PMFBP1: variants seen among roughly 807,000 people sequenced by gnomAD.
PMFBP1 encodes the protein polyamine modulated factor 1 binding protein 1.
Under a neutral mutation model 137.8 loss-of-function variants are expected in PMFBP1, and 131 were observed. That is an observed-to-expected ratio of 0.95 (90% CI 0.82 to 1.10). The LOEUF (loss-of-function observed/expected upper bound fraction) is 1.10, where lower values mean the gene tolerates loss of function less well. PMFBP1 is among the 50% of genes least tolerant of loss of function. PMFBP1 has a pLI of 0.00. For synonymous variants in PMFBP1, 490 were observed against 450.4 expected (o/e 1.09, Z -1.11); for missense variants, 1,199 against 1,175.4 (o/e 1.02, Z -0.29).
At chr16:72,138,868 A>G (rs747948906) in intron 7 of PMFBP1, among the ~76,000 whole-genome samples, 5 of 151,350 alleles carry the variant, frequency 3.3e-5, no homozygotes, top group Non-Finnish European at 7.4e-5. Context: ...TATTATTAGA[A>G]TCAACTTTTG....
the PMFBP1 span, among the ~76,000 whole-genome samples, chr16:72,221,317 T>C: frequency 6.6e-6 from 1 of 152,140 alleles, no homozygotes; most frequent in Non-Finnish European, 1.5e-5. Flanking sequence ...ATTGAGAGAC[T>C]CATTAAAAAT....
intron 3 of PMFBP1, among the ~76,000 whole-genome samples, chr16:72,159,707 C>G (rs1453830579): frequency 6.6e-6 from 1 of 152,162 alleles, no homozygotes; most frequent in Non-Finnish European, 1.5e-5. Context: ...TAGAAAAAGA[C>G]ACGCTATGGA....
intron 7 of PMFBP1, among the ~76,000 whole-genome samples, chr16:72,138,066 G>C (rs1412187510): frequency 6.6e-6 from 1 of 152,144 alleles, no homozygotes; most frequent in Non-Finnish European, 1.5e-5. Flanking sequence ...GTGGGGGAAG[G>C]TGTATTCTGC....
the PMFBP1 span, among the ~76,000 whole-genome samples, chr16:72,220,496 A>C: frequency 2.0e-5 from 3 of 152,222 alleles, no homozygotes; most frequent in Non-Finnish European, 4.4e-5. Context: ...CCATAATTTG[A>C]ATAGAGGTTG....
chr16:72,235,538 T>G, the PMFBP1 span, among the ~76,000 whole-genome samples: 1 of 151,668 alleles, frequency 6.6e-6, no homozygotes, highest in African/African-American at 2.4e-5. Flanking sequence ...AGTATCAGCA[T>G]ATCAATTTCT....
the PMFBP1 span, among the ~76,000 whole-genome samples, chr16:72,208,682 T>G: frequency 6.6e-6 from 1 of 152,276 alleles, no homozygotes; most frequent in Admixed American, 6.5e-5. Flanking sequence ...TTAATTTTTC[T>G]GTGTGATTCG....
At chr16:72,169,005 T>C (rs2043184094) in intron 2 of PMFBP1, among the ~76,000 whole-genome samples, 1 of 152,172 alleles carries the variant, frequency 6.6e-6, no homozygotes, top group Non-Finnish European at 1.5e-5. Context: ...TAATGTTAAA[T>C]TGAAGCTCGT....
chr16:72,161,705 T>A (rs552621985), intron 3 of PMFBP1, among the ~76,000 whole-genome samples: 314 of 152,336 alleles, frequency 2.1e-3, no homozygotes, highest in South Asian at 4.1e-3. Flanking sequence ...AAGAAATTAA[T>A]GTTGGAAGAT....
the PMFBP1 span, among the ~76,000 whole-genome samples, chr16:72,223,576 G>C: frequency 6.6e-6 from 1 of 152,198 alleles, no homozygotes; most frequent in Non-Finnish European, 1.5e-5. Context: ...GCTGGACCAA[G>C]GCAAAGTTTG....
At chr16:72,204,523 G>C in the PMFBP1 span, among the ~76,000 whole-genome samples, 1 of 152,034 alleles carries the variant, frequency 6.6e-6, no homozygotes, top group Non-Finnish European at 1.5e-5. Flanking sequence ...TTTATCCCCT[G>C]AACCAAATGG....
intron 7 of PMFBP1, 120 bp from the exon 8 acceptor site, chr16:72,136,939 T>G: frequency 2.2e-6 from 3 of 1,374,628 alleles, no homozygotes; most frequent in Admixed American, 2.0e-5. Flanking sequence ...TAATGGCTGC[T>G]GGGGGCCAGG....
the PMFBP1 span, among the ~76,000 whole-genome samples, chr16:72,229,442 C>T: frequency 6.6e-6 from 1 of 152,210 alleles, no homozygotes; most frequent in African/African-American, 2.4e-5. Flanking sequence ...CTGCTTTCCA[C>T]AAGGGCTGAA....
chr16:72,173,725 T>C (rs146389484), upstream of PMFBP1, among the ~76,000 whole-genome samples: 1 of 152,328 alleles, frequency 6.6e-6, no homozygotes, highest in East Asian at 1.9e-4. Flanking sequence ...AAGAGTGTTT[T>C]GGGGGAGCCC....
chr16:72,172,795 CTT>C (rs2043233684), upstream of PMFBP1, among the ~76,000 whole-genome samples: 3 of 152,018 alleles, frequency 2.0e-5, no homozygotes, highest in Admixed American at 2.0e-4. Flanking sequence ...AGGTGCATAA[CTT>C]AATTAAAAAT....
intron 3 of PMFBP1, among the ~76,000 whole-genome samples, chr16:72,161,843 A>G (rs1210133134): frequency 2.6e-5 from 4 of 152,176 alleles, no homozygotes; most frequent in Admixed American, 6.5e-5. Flanking sequence ...TTCATTCCCA[A>G]TGATTCAAAA....
At chr16:72,164,413 G>A (rs2043112558) in intron 3 of PMFBP1, 1 of 1,316,042 alleles carries the variant, frequency 7.6e-7, no homozygotes, top group Admixed American at 2.3e-5. Context: ...GGTTGACTTA[G>A]AAGTTTGTCT....
Position 72,119,894 on chromosome 16 carries a change from T to G in PMFBP1, c.2964A>C (p.Gln988His). 1 of 1,614,218 alleles carries G rather than the reference T, an allele frequency of 6.2e-7. No individual in the cohort carries two copies. Among genetic ancestry groups the G allele is most frequent in the South Asian group, 1.1e-5 (1 of 91,082 alleles). The change falls in exon 20 of 21, where the codon CAA becomes CAC. Residue 988 changes from glutamine (Q) to histidine (H), a missense_variant. Transcript: ENST00000237353. ...GWKGLPQDMGQRMDLTKYIGM... is the reference protein window; with the variant it reads ...GWKGLPQDMGHRMDLTKYIGM... The stretch of plus-strand genomic sequence containing the variant: ...CGATGTACTTGGTGAGGTCCATTCT[T>G]TGACCCATATCCTGGGGCAACCCCT...
intron 9 of PMFBP1, among the ~76,000 whole-genome samples, chr16:72,135,104 G>A (rs946447556): frequency 2.6e-5 from 4 of 152,104 alleles, no homozygotes; most frequent in Admixed American, 1.3e-4. Context: ...CTGTTTTGAC[G>A]GGCATATCTC....
intron 9 of PMFBP1, among the ~76,000 whole-genome samples, chr16:72,133,927 G>A (rs958542094): frequency 6.6e-6 from 1 of 152,074 alleles, no homozygotes; most frequent in African/African-American, 2.4e-5. Flanking sequence ...GACTAGCTTG[G>A]CCAACATGGT....
Sources: gnomAD v4.1 joint callset for allele counts (sites outside exome capture counted in the v4.1 genomes callset) on GRCh38, gnomAD v4.1.1 for gene constraint, MANE v1.5 for transcripts, NCBI Gene and HGNC (gene_info 2026-07-23, HGNC 2026-07-21) for gene names.